The following CROCC variants were observed in gnomAD, a reference collection of about 807,000 sequenced individuals.
CROCC encodes ciliary rootlet coiled-coil, rootletin, also known as rootletin.
In CROCC, 180 loss-of-function variants were observed where a neutral mutation model predicts 245.2. That is an observed-to-expected ratio of 0.73 (90% CI 0.65 to 0.83). The LOEUF is 0.83. CROCC is among the 40% of genes least tolerant of loss of function. The pLI is 0.00. For missense variants in CROCC, 2,688 were observed against 2,779.4 expected (o/e 0.97, Z 0.74); for synonymous variants, 1,205 against 1,241.6 (o/e 0.97, Z 0.62).
chr1:16,967,746 C>G (rs553020945), intron 30 of CROCC, among the ~76,000 whole-genome samples: 4 of 152,168 alleles, frequency 2.6e-5, no homozygotes, highest in Non-Finnish European at 5.9e-5. Flanking sequence ...GGGGAATCAC[C>G]ACCTGAAACC....
At position 16,968,173 on chromosome 1, in the gene CROCC, G is replaced by A. The variant is rs889498186; in HGVS notation, c.4861-30G>A. 34 of 1,547,534 alleles carry A rather than the reference G, an allele frequency of 2.2e-5. No homozygotes were observed. In the Admixed American group the frequency reaches 3.7e-4, roughly 17 times the overall value. On this transcript the variant is annotated intron_variant, in intron 30 of 36. Transcript: ENST00000375541. Reference sequence around the variant, plus strand: ...GGGAGGGCTGCGGGGTGCACTGGACGTCTGGGCCTGAGCCCCATGCCACCT... The same window carrying A: ...GGGAGGGCTGCGGGGTGCACTGGACATCTGGGCCTGAGCCCCATGCCACCT...
At position 16,939,204 on chromosome 1, in the gene CROCC, C is replaced by T. The variant is rs543012167; in HGVS notation, c.1608+62C>T. On this transcript the variant is annotated intron_variant, in intron 12 of 36. Coordinates refer to ENST00000375541, the MANE Select transcript of CROCC (RefSeq NM_014675.5). ...GGCCTGGGGGAGGGGCTCGCGCCCT[C>T]CGGGTGGGGGCGGGGGCGGGGGCAG... is the stretch of plus-strand genomic sequence containing the variant. The T allele has an allele frequency of 1.0e-4, 76 of 743,394 alleles. No individual in the cohort carries two copies. The African/African-American group carries it at 1.7e-3, about 17-fold the overall frequency. The allele number at this position is 743,394 out of a possible 1,614,324, so 46.0% of individuals were successfully genotyped here. A position where few individuals can be genotyped will look rare whatever the true frequency, so the allele number is the denominator to read the frequency against.
intron 35 of CROCC, 117 bp downstream of exon 35, chr1:16,970,884 C>G (rs2076506553): frequency 7.8e-7 from 1 of 1,281,646 alleles, no homozygotes; most frequent in Non-Finnish European, 1.0e-6. Flanking sequence ...CCCAGGAGCC[C>G]TGAGCCTTCC....
intron 19 of CROCC, among the ~76,000 whole-genome samples, chr1:16,949,862 T>C (rs11586910): frequency 0.22 from 33,681 of 151,888 alleles, 4,194 homozygotes; most frequent in African/African-American, 0.33. Flanking sequence ...CTCTGCCTTC[T>C]GGGTTCAAGC....
At position 16,953,383 on chromosome 1, in the gene CROCC, C is replaced by T. The variant is rs111474169; in HGVS notation, c.3088C>T (p.Arg1030Trp). 14 of 1,610,390 alleles carry T rather than the reference C, an allele frequency of 8.7e-6. No homozygotes were observed. Among genetic ancestry groups the T allele is most frequent in the Admixed American group, 1.7e-5 (1 of 59,964 alleles). Reference sequence around the variant, plus strand: ...GCGTGAGCAGGAGGAGCTGCTGGCCCGGCTGGAGGCTGAGAAGGAAGAGCT... The same window carrying T: ...GCGTGAGCAGGAGGAGCTGCTGGCCTGGCTGGAGGCTGAGAAGGAAGAGCT... ...LQREQEELLA[R>W]LEAEKEELSE... Residue 1030 changes from arginine (R) to tryptophan (W), a missense_variant, in exon 21 of 37, where the codon CGG becomes TGG. Around this residue, in one of 9 missense-constraint regions of CROCC, gnomAD observed 106 missense variants for 126.1 expected, o/e 0.84. Transcript: ENST00000375541.
At chr1:16,971,097 G>A in intron 35 of CROCC, 1 of 452,068 alleles carries the variant, frequency 2.2e-6, no homozygotes, top group East Asian at 3.6e-5. Flanking sequence ...ATGTGTTTGT[G>A]TACAGATGTT....
At chr1:16,943,163 A>C (rs1259083698) in intron 13 of CROCC, among the ~76,000 whole-genome samples, 4 of 151,890 alleles carry the variant, frequency 2.6e-5, no homozygotes, top group Non-Finnish European at 5.9e-5. Flanking sequence ...AATCGCTTGA[A>C]CTCTGGAGGT....
intron 13 of CROCC, among the ~76,000 whole-genome samples, chr1:16,943,544 A>T (rs1350850934): frequency 2.2e-4 from 34 of 152,394 alleles, no homozygotes; most frequent in African/African-American, 5.0e-4. Flanking sequence ...TCTCAAAAAA[A>T]AAAAATAAAA....
At chr1:16,938,801 C>G in intron 11 of CROCC, 108 bp from the exon 12 acceptor site, 1 of 1,104,692 alleles carries the variant, frequency 9.1e-7, no homozygotes, top group Non-Finnish European at 1.3e-6. Flanking sequence ...TTGTAAGAGG[C>G]AGCATTTGGA....
intron 27 of CROCC, among the ~76,000 whole-genome samples, chr1:16,961,419 G>T (rs374662402): frequency 2.5e-4 from 38 of 151,992 alleles, no homozygotes; most frequent in African/African-American, 8.5e-4. Context: ...GACTACAGGT[G>T]TGCCACCACG....
At chr1:16,930,403 C>G in intron 6 of CROCC, 26 bp from the exon 7 acceptor site, 1 of 1,611,282 alleles carries the variant, frequency 6.2e-7, no homozygotes, top group Non-Finnish European at 8.5e-7. Flanking sequence ...GCGCGAGCGC[C>G]TACTGATCCC....
chr1:16,932,898 A>G (rs994782423), intron 8 of CROCC, among the ~76,000 whole-genome samples: 7 of 152,274 alleles, frequency 4.6e-5, no homozygotes, highest in Non-Finnish European at 1.0e-4. Flanking sequence ...CTACAGCCTC[A>G]GCCTCCTCGT....
Position 16,945,584 on chromosome 1 carries a change from A to T in CROCC, c.2114A>T (p.Glu705Val). The T allele has an allele frequency of 6.2e-7, 1 of 1,612,560 alleles. No individual in the cohort carries two copies. The highest frequency in any genetic ancestry group is 8.5e-7 in the Non-Finnish European group (1 of 1,179,806). The change falls in exon 15 of 37, where the codon GAG (glutamate) becomes GTG (valine). Residue 705 changes from glutamate (E) to valine (V), a missense_variant. By Grantham distance (121) the Glu-to-Val change is moderately radical (BLOSUM62 -2). This residue lies in a region of CROCC where 18 missense variants were observed against 61.1 expected (regional missense o/e 0.29). Coordinates refer to ENST00000375541, the MANE Select transcript of CROCC (RefSeq NM_014675.5). ...QRDMLQAEKA[E>V]VAEALTKAEA... ...GACATGCTGCAGGCCGAGAAGGCCG[A>T]GGTGGCCGAGGCGCTGACCAAGGTG...
At chr1:16,930,368 G>A in intron 6 of CROCC, 21 bp downstream of exon 6, 1 of 1,611,134 alleles carries the variant, frequency 6.2e-7, no homozygotes, top group Non-Finnish European at 8.5e-7. Flanking sequence ...AGCAGGGAGG[G>A]CCAGGGCTGG....
rs2075440972 is a variant in CROCC, at chr1:16,922,862, T to C, written c.196+64T>C. 5.1e-6 allele frequency: 8 copies of C among 1,565,646 alleles called. No homozygotes were observed. In the South Asian group the frequency reaches 9.5e-5, roughly 19 times the overall value. On this transcript the variant is annotated intron_variant, in intron 2 of 36. Coordinates refer to ENST00000375541, the MANE Select transcript of CROCC (RefSeq NM_014675.5). ...ACATTTTACCTCTTCTCATGTCCCT[T>C]TCCTGAGCAGTCACCATGATGATCA...
chr1:16,914,669 G>A (rs1333742988), intron 1 of CROCC, among the ~76,000 whole-genome samples: 5 of 152,298 alleles, frequency 3.3e-5, no homozygotes, highest in African/African-American at 1.2e-4. Context: ...CGGGGATGGG[G>A]CCCTGCACCC....
chr1:16,917,198 G>A (rs1476477478), upstream of CROCC, among the ~76,000 whole-genome samples: 1 of 152,306 alleles, frequency 6.6e-6, no homozygotes, highest in East Asian at 1.9e-4. Flanking sequence ...GCTCTTTGTG[G>A]CTGGGTGCAT....
At chr1:16,918,738 G>GTTTT (rs68022839), upstream of CROCC, among the ~76,000 whole-genome samples, 4,661 of 143,556 alleles carry the variant, frequency 0.032, 76 homozygotes, top group Non-Finnish European at 0.041. Context: ...TTAGTTTTTT[G>GTTTT]TTTTTGTTTT....
At position 16,958,733 on chromosome 1, in the gene CROCC, G is replaced by C. The variant is rs751324480; in HGVS notation, c.4015G>C (p.Glu1339Gln). The change falls in exon 26 of 37, where the codon GAG becomes CAG. Residue 1339 changes from glutamate to glutamine, a missense_variant. Glu to Gln is a conservative substitution (Grantham distance 29). Coordinates refer to ENST00000375541, the MANE Select transcript of CROCC (RefSeq NM_014675.5). Reference protein sequence around the residue: ...QRLLKGEASLEVMRQELQVAQ... With the variant: ...QRLLKGEASLQVMRQELQVAQ... ...GCTGCTGAAGGGCGAGGCCAGCCTGGAGGTGATGCGGCAGGAGGTAACTGA... is the reference window on the plus strand; with the variant it reads ...GCTGCTGAAGGGCGAGGCCAGCCTGCAGGTGATGCGGCAGGAGGTAACTGA... 2.1e-5 allele frequency: 33 copies of C among 1,561,016 alleles called. 1 individual carries two copies. The Admixed American group carries it at 6.3e-4, about 30-fold the overall frequency.
Sources: allele counts gnomAD v4.1 joint callset (sites outside exome capture counted in the v4.1 genomes callset), GRCh38; gene constraint gnomAD v4.1.1; regional missense constraint gnomAD v4.1.1; transcripts MANE v1.5; gene names NCBI Gene and HGNC (gene_info 2026-07-23, HGNC 2026-07-21).